Variants in RAVER2 observed in about 807,000 individuals in gnomAD.
RAVER2 encodes ribonucleoprotein PTB-binding 2.
In RAVER2, 46 loss-of-function variants were observed where a neutral mutation model predicts 78.1. The ratio of observed to expected loss-of-function variants is 0.59; its 90% CI spans 0.46 to 0.75. The LOEUF (loss-of-function observed/expected upper bound fraction) is 0.75. RAVER2 is among the 30% of genes least tolerant of loss of function. The pLI is 0.00. For missense variants in RAVER2, 793 were observed against 837.5 expected (o/e 0.95, Z 0.66); for synonymous variants, 311 against 313.3 (o/e 0.99, Z 0.08).
chr1:64,829,066 G>C (rs1654064542), intron 11 of RAVER2, among the ~76,000 whole-genome samples: 1 of 151,792 alleles, frequency 6.6e-6, no homozygotes, highest in South Asian at 2.1e-4. Flanking sequence ...TGATTTCATA[G>C]GTCTCAGTTG....
At chr1:64,806,104 T>C (rs1485695260) in intron 8 of RAVER2, among the ~76,000 whole-genome samples, 5 of 152,238 alleles carry the variant, frequency 3.3e-5, no homozygotes, top group East Asian at 1.9e-4. Context: ...ATTTATAAAA[T>C]GGTAAATCTG....
chr1:64,777,905 G>T, exon 3 of RAVER2: 1 of 1,614,144 alleles, frequency 6.2e-7, no homozygotes, highest in Admixed American at 1.7e-5. Flanking sequence ...GCAAAGGCTA[G>T]ACTGGAGCTA....
chr1:64,825,269 G>C (rs1653982746), intron 11 of RAVER2, among the ~76,000 whole-genome samples: 1 of 152,082 alleles, frequency 6.6e-6, no homozygotes, highest in South Asian at 2.1e-4. Context: ...AAATCTAAAA[G>C]CTGGACTTGA....
chr1:64,755,730 T>TG (rs1322956621), intron 1 of RAVER2, among the ~76,000 whole-genome samples: 9 of 140,706 alleles, frequency 6.4e-5, no homozygotes, highest in African/African-American at 1.3e-4. Flanking sequence ...CATAGTTTTT[T>TG]TTTTTTTTTT....
chr1:64,766,264 T>C (rs781716569), intron 1 of RAVER2, among the ~76,000 whole-genome samples: 2 of 152,206 alleles, frequency 1.3e-5, no homozygotes, highest in Middle Eastern at 3.2e-3. Flanking sequence ...GGAAATGTTA[T>C]AAAGCTAAGT....
intron 3 of RAVER2, among the ~76,000 whole-genome samples, chr1:64,778,493 G>A (rs766878192): frequency 1.3e-5 from 2 of 152,028 alleles, no homozygotes; most frequent in Admixed American, 6.6e-5. Flanking sequence ...TAGAAGAGAC[G>A]GACAAGTAAG....
At chr1:64,787,417 G>T (rs910111307) in intron 4 of RAVER2, among the ~76,000 whole-genome samples, 15 of 152,158 alleles carry the variant, frequency 9.9e-5, no homozygotes, top group Non-Finnish European at 2.1e-4. Context: ...CCTCAGGGCA[G>T]AGAAGTTCTG....
At chr1:64,827,121 T>C (rs954262978) in intron 11 of RAVER2, among the ~76,000 whole-genome samples, 3 of 152,132 alleles carry the variant, frequency 2.0e-5, no homozygotes, top group African/African-American at 4.8e-5. Flanking sequence ...TAATTGTGAA[T>C]TGCATGAAAT....
intron 6 of RAVER2, among the ~76,000 whole-genome samples, chr1:64,803,790 C>A (rs1392542443): frequency 6.6e-6 from 1 of 152,064 alleles, no homozygotes; most frequent in African/African-American, 2.4e-5. Flanking sequence ...AGACATTGTG[C>A]TAATCATTGA....
At chr1:64,787,146 T>G (rs1291657968) in intron 4 of RAVER2, among the ~76,000 whole-genome samples, 1 of 152,242 alleles carries the variant, frequency 6.6e-6, no homozygotes, top group Non-Finnish European at 1.5e-5. Context: ...TAATGTCTAT[T>G]ACATTTATTT....
chr1:64,824,751 GA>G (rs1210355967), intron 11 of RAVER2, among the ~76,000 whole-genome samples: 1 of 151,710 alleles, frequency 6.6e-6, no homozygotes, highest in African/African-American at 2.4e-5. Context: ...CCAACAGGGC[GA>G]AACCCCGTCT....
At chr1:64,750,482 T>G (rs1651669627) in intron 1 of RAVER2, among the ~76,000 whole-genome samples, 1 of 152,040 alleles carries the variant, frequency 6.6e-6, no homozygotes, top group African/African-American at 2.4e-5. Context: ...CTAATATTTT[T>G]TAATTTTTTG....
intron 1 of RAVER2, among the ~76,000 whole-genome samples, chr1:64,757,558 A>G (rs1187580999): frequency 6.6e-6 from 1 of 152,192 alleles, no homozygotes; most frequent in East Asian, 1.9e-4. Flanking sequence ...TCTGGCTTCC[A>G]GAAATGTGAG....
intron 10 of RAVER2, among the ~76,000 whole-genome samples, chr1:64,813,454 G>A (rs932656668): frequency 2.0e-5 from 3 of 151,874 alleles, no homozygotes; most frequent in African/African-American, 7.3e-5. Flanking sequence ...GCATATTTTG[G>A]CAAATATATG....
At chr1:64,802,134 G>A (rs1318464727) in intron 5 of RAVER2, among the ~76,000 whole-genome samples, 2 of 152,126 alleles carry the variant, frequency 1.3e-5, no homozygotes, top group South Asian at 2.1e-4. Context: ...CAATGAGGAC[G>A]GCCAGAGATC....
chr1:64,782,073 G>A (rs1570550632), intron 4 of RAVER2, among the ~76,000 whole-genome samples: 1 of 151,980 alleles, frequency 6.6e-6, no homozygotes, highest in South Asian at 2.1e-4. Flanking sequence ...CTGGCTAATT[G>A]TTGTATTTTT....
chr1:64,814,248 C>G (rs537334139), intron 10 of RAVER2, among the ~76,000 whole-genome samples: 1 of 152,124 alleles, frequency 6.6e-6, no homozygotes, highest in East Asian at 1.9e-4. Flanking sequence ...TCATGCACCA[C>G]CATTCCTGGC....
intron 5 of RAVER2, among the ~76,000 whole-genome samples, chr1:64,802,047 C>G (rs1570569081): frequency 6.6e-6 from 1 of 152,298 alleles, no homozygotes; most frequent in African/African-American, 2.4e-5. Flanking sequence ...GGTTCCTGCC[C>G]TTTTTAGACC....
rs2100792616 is a variant in RAVER2, at chr1:64,745,251, G to A, written c.79G>A (p.Gly27Arg). 8.2e-7 allele frequency: 1 copy of A among 1,224,606 alleles called. No homozygotes were observed. The highest frequency in any genetic ancestry group is 1.0e-6 in the Non-Finnish European group (1 of 974,140). The allele number at this position is 1,224,606 out of a possible 1,614,324, so 75.9% of individuals were successfully genotyped here. A position where few individuals can be genotyped will look rare whatever the true frequency, so the allele number is the denominator to read the frequency against. ...CGCGGCGGGGCTGGGGCCGGGGCCGGGGCTGCGCGGGCAGGGCCCCTCAGC... is the reference window on the plus strand; with the variant it reads ...CGCGGCGGGGCTGGGGCCGGGGCCGAGGCTGCGCGGGCAGGGCCCCTCAGC... Residue 27 changes from glycine (G) to arginine (R), a missense_variant, in exon 1 of 12, where the codon GGG becomes AGG. By Grantham distance (125) the Gly-to-Arg change is moderately radical. Transcript: ENST00000294428. The surrounding 1 kb of genome is among the most constrained non-coding windows in gnomAD (Gnocchi z 4.3).
Sources: gnomAD v4.1 joint callset for allele counts (sites outside exome capture counted in the v4.1 genomes callset) on GRCh38, gnomAD v4.1.1 for gene constraint, Gnocchi (gnomAD v3.1) non-coding constraint, MANE v1.5 for transcripts, NCBI Gene and HGNC (gene_info 2026-07-23, HGNC 2026-07-21) for gene names.